The following GLI2 variants were observed in gnomAD, a reference collection of about 807,000 sequenced individuals.
GLI2 encodes GLI family zinc finger 2.
GLI2 carries 22 observed loss-of-function variants against 78.9 expected under a neutral mutation model. That is an observed-to-expected ratio of 0.28 (90% CI 0.20 to 0.40). The LOEUF is 0.40. GLI2 is among the 10% of genes least tolerant of loss of function. GLI2 has a pLI of 1.00. For synonymous variants in GLI2, 974 were observed against 963.7 expected (o/e 1.01, Z -0.20); for missense variants, 2,097 against 2,213.2 (o/e 0.95, Z 1.05).
At chr2:120,772,632 T>G (rs910126899) in intron 1 of GLI2, among the ~76,000 whole-genome samples, 3 of 152,260 alleles carry the variant, frequency 2.0e-5, no homozygotes, top group African/African-American at 7.2e-5. Flanking sequence ...CCCTTGGCCC[T>G]TGTTGGAGAA....
intron 13 of GLI2, 136 bp downstream of exon 13, chr2:120,986,750 A>G (rs1682999889): frequency 1.4e-6 from 1 of 701,150 alleles, no homozygotes; most frequent in Non-Finnish European, 2.4e-6. Flanking sequence ...CAGAAAAGGA[A>G]ACTGAGGCTC....
intron 2 of GLI2, among the ~76,000 whole-genome samples, chr2:120,895,761 T>G (rs1238430503): frequency 6.6e-6 from 1 of 152,202 alleles, no homozygotes; most frequent in African/African-American, 2.4e-5. Context: ...CTCAGTAAGT[T>G]TCCCTGGGAG....
intron 2 of GLI2, among the ~76,000 whole-genome samples, chr2:120,857,296 C>T (rs116007791): frequency 1.8e-3 from 271 of 151,982 alleles, no homozygotes; most frequent in African/African-American, 5.8e-3. Context: ...CACCCACCTA[C>T]CCATCTGCCC....
At chr2:120,835,035 A>T (rs1686542313) in intron 2 of GLI2, among the ~76,000 whole-genome samples, 1 of 152,148 alleles carries the variant, frequency 6.6e-6, no homozygotes, top group Non-Finnish European at 1.5e-5. Context: ...AGCAAACATT[A>T]CTATTTTGAT....
intron 1 of GLI2, among the ~76,000 whole-genome samples, chr2:120,789,314 G>A (rs1215800194): frequency 5.3e-5 from 8 of 152,052 alleles, no homozygotes; most frequent in South Asian, 2.1e-4. Flanking sequence ...GTGAGCCACC[G>A]CGCCCAGTCT....
In GLI2 at chr2:120,972,039, G is replaced by A. The variant is rs141647925; in HGVS notation, c.1158G>A (p.Pro386=). The change falls in exon 8 of 14, where the codon CCG becomes CCA. Residue 386 remains proline, a synonymous_variant. Coordinates refer to ENST00000361492, the MANE Select transcript of GLI2 (RefSeq NM_001374353.1). The part of the protein sequence containing the change: ...KVKTEPEGLR[P]ASPLALTQEQ... ...AGACCGAGCCTGAGGGCCTGCGGCC[G>A]GCCTCCCCTCTGGCGCTGACGCAGG... 22 of 1,613,218 alleles carry A rather than the reference G, an allele frequency of 1.4e-5. No individual in the cohort carries two copies. The highest frequency in any genetic ancestry group is 1.1e-4 in the African/African-American group (8 of 74,944).
Position 120,990,094 on chromosome 2 carries a change from G to A in GLI2, c.4129G>A (p.Ala1377Thr). ...GGTACGTGCTGTGCAGCAGCAGCTG[G>A]CCTACGCCAGGGCCACAGGCCATGC... ...RGVRAVQQQL[A>T]YARATGHAMA... The change falls in exon 14 of 14, where the codon GCC (alanine) becomes ACC (threonine). Residue 1377 changes from alanine (A) to threonine (T), a missense_variant. Ala to Thr is a moderately conservative substitution (Grantham distance 58). Transcript: ENST00000361492. 1 of 1,598,822 alleles carries A rather than the reference G, an allele frequency of 6.3e-7. No individual in the cohort carries two copies. Among genetic ancestry groups the A allele is most frequent in the South Asian group, 1.1e-5 (1 of 89,210 alleles).
intron 3 of GLI2, among the ~76,000 whole-genome samples, chr2:120,940,091 G>A (rs1680383341): frequency 6.6e-6 from 1 of 152,144 alleles, no homozygotes; most frequent in African/African-American, 2.4e-5. Flanking sequence ...TGTCTGTTGG[G>A]CTATTTTGCC....
intron 2 of GLI2, among the ~76,000 whole-genome samples, chr2:120,902,628 T>G (rs1486734331): frequency 1.3e-5 from 2 of 152,170 alleles, no homozygotes; most frequent in Non-Finnish European, 2.9e-5. Flanking sequence ...GCTGGTGCTG[T>G]GAACCTGAAC....
chr2:120,961,196 T>C (rs1336106058), intron 5 of GLI2, among the ~76,000 whole-genome samples: 1 of 152,234 alleles, frequency 6.6e-6, no homozygotes, highest in East Asian at 1.9e-4. Context: ...TTTATTGTCA[T>C]ATTGACACTA....
intron 2 of GLI2, among the ~76,000 whole-genome samples, chr2:120,803,263 C>T (rs894987984): frequency 1.8e-4 from 28 of 152,348 alleles, no homozygotes; most frequent in Middle Eastern, 6.8e-3. Flanking sequence ...TGACCTTAGG[C>T]AGGTCCGTGC....
At chr2:120,911,261 G>A (rs937745284) in intron 2 of GLI2, among the ~76,000 whole-genome samples, 73 of 152,218 alleles carry the variant, frequency 4.8e-4, no homozygotes, top group African/African-American at 1.6e-3. Context: ...GTTACTGAAC[G>A]CTCCTGTGCC....
intron 5 of GLI2, among the ~76,000 whole-genome samples, chr2:120,962,281 A>C (rs1034304367): frequency 1.3e-5 from 2 of 152,198 alleles, no homozygotes; most frequent in East Asian, 3.9e-4. Context: ...CCTCCTGAGC[A>C]CCTTGGGATT....
chr2:120,763,102 T>C (rs1251414127), intron 1 of GLI2, among the ~76,000 whole-genome samples: 2 of 152,184 alleles, frequency 1.3e-5, no homozygotes, highest in Non-Finnish European at 1.5e-5. Flanking sequence ...CCCACTGTGC[T>C]CTGTTGTTAC....
In GLI2 at chr2:120,975,149, G is replaced by C. The variant is rs376983809; in HGVS notation, c.1317+40G>C. The C allele has an allele frequency of 3.1e-6, 5 of 1,604,660 alleles. No individual in the cohort carries two copies. The African/African-American group carries it at 5.3e-5, about 17-fold the overall frequency. On this transcript the variant is annotated intron_variant, in intron 9 of 13. Transcript: ENST00000361492. ...CCCAGCAGCCCGCCAACCGGGGCAC[G>C]GCCCAGGCCATGCAGGATGCTGAGC...
intron 2 of GLI2, among the ~76,000 whole-genome samples, chr2:120,836,838 G>T (rs1686636057): frequency 6.6e-6 from 1 of 152,188 alleles, no homozygotes; most frequent in Non-Finnish European, 1.5e-5. Context: ...TTGTAGCTTT[G>T]TTAGATATTG....
chr2:120,876,273 C>T (rs1482555029), intron 2 of GLI2, among the ~76,000 whole-genome samples: 2 of 152,146 alleles, frequency 1.3e-5, no homozygotes, highest in South Asian at 2.1e-4. Context: ...ACCCAGGCCA[C>T]GGAGCTTGCA....
chr2:120,801,885 C>A (rs929357433), intron 2 of GLI2, among the ~76,000 whole-genome samples: 7 of 152,230 alleles, frequency 4.6e-5, no homozygotes, highest in Non-Finnish European at 7.3e-5. Context: ...GGGCTTGGGG[C>A]TCCTGCCTCT....
intron 1 of GLI2, among the ~76,000 whole-genome samples, chr2:120,763,931 A>C (rs1683293169): frequency 6.6e-6 from 1 of 152,372 alleles, no homozygotes; most frequent in South Asian, 2.1e-4. Context: ...TTCCCAAGCC[A>C]GCCAGGGCTT....
Sources: allele counts gnomAD v4.1 joint callset (sites outside exome capture counted in the v4.1 genomes callset), GRCh38; gene constraint gnomAD v4.1.1; transcripts MANE v1.5; gene names NCBI Gene and HGNC (gene_info 2026-07-23, HGNC 2026-07-21).